ACOT11: variants seen among roughly 807,000 people sequenced by gnomAD.
ACOT11 encodes the protein acyl-coenzyme A thioesterase 11.
In ACOT11, 69 loss-of-function variants were observed where a neutral mutation model predicts 77.5. The observed-to-expected ratio is 0.89, with a 90% CI of 0.73 to 1.09. The LOEUF (loss-of-function observed/expected upper bound fraction) is 1.09. Among genes scored for constraint, ACOT11 ranks in the 50% least tolerant of loss-of-function variants. The pLI is 0.00. For missense variants in ACOT11, 766 were observed against 813.7 expected, an observed-to-expected ratio of 0.94 and a Z score of 0.71; for synonymous variants, 279 against 313.0, an observed-to-expected ratio of 0.89 and a Z score of 1.15.
chr1:54,581,537 G>A (rs529463907), intron 1 of ACOT11, among the ~76,000 whole-genome samples: 1 of 152,326 alleles, frequency 6.6e-6, no homozygotes, highest in South Asian at 2.1e-4. Flanking sequence ...GGCTCAGGAG[G>A]AGGGACACAG....
At chr1:54,624,685 G>C (rs539815967) in intron 15 of ACOT11, among the ~76,000 whole-genome samples, 1 of 152,132 alleles carries the variant, frequency 6.6e-6, no homozygotes, top group African/African-American at 2.4e-5. Context: ...GGTCAGCCAG[G>C]CTGGGAGATG....
chr1:54,616,237 T>C (rs1403237468), intron 15 of ACOT11: 1 of 1,389,334 alleles, frequency 7.2e-7, no homozygotes, highest in Non-Finnish European at 9.9e-7. Flanking sequence ...TTTCTCATCA[T>C]AAAAGCATTA....
intron 15 of ACOT11, among the ~76,000 whole-genome samples, chr1:54,624,092 C>A (rs1644256844): frequency 6.6e-6 from 1 of 152,166 alleles, no homozygotes; most frequent in Non-Finnish European, 1.5e-5. Context: ...GGCTGAGTCA[C>A]CACTTCATGC....
At chr1:54,594,899 T>C (rs192404221) in intron 6 of ACOT11, among the ~76,000 whole-genome samples, 5 of 152,318 alleles carry the variant, frequency 3.3e-5, no homozygotes, top group African/African-American at 1.2e-4. Context: ...CCAGGAACCA[T>C]GAAGCTGCCG....
chr1:54,611,004 A>G (rs911410974), downstream of ACOT11: 7 of 985,466 alleles, frequency 7.1e-6, no homozygotes, highest in Non-Finnish European at 8.4e-6. Context: ...CTATGCACCA[A>G]GGGAAATAAT....
Position 54,601,356 on chromosome 1 carries a change from G to C in ACOT11, c.972G>C (p.Val324=). ...TCAACAGTGCCTTTATGACCTTTGT[G>C]GTCCTGGACGCAGATGACCAGCCCC... ...RHINSAFMTF[V]VLDADDQPQL... The change falls in exon 9 of 16, where the codon GTG becomes GTC. Residue 324 remains valine (V), a synonymous_variant. Transcript: ENST00000343744. 1.2e-6 allele frequency: 2 copies of C among 1,613,718 alleles called. No homozygotes were observed. The highest frequency in any genetic ancestry group is 1.7e-6 in the Non-Finnish European group (2 of 1,180,012).
At position 54,609,426 on chromosome 1, in the gene ACOT11, G is replaced by C. The variant is rs41297135; in HGVS notation, c.*314G>C. ...TTGTGCTCCACTGTGACGGTGGCCC[G>C]GGGGGAGGATGCCAGCAGCCTGCCT... is the stretch of plus-strand genomic sequence containing the variant. On this transcript the variant is annotated 3_prime_UTR_variant, in exon 16 of 16. Transcript: ENST00000343744. 2.5e-3 allele frequency: 4,032 copies of C among 1,613,452 alleles called. 13 individuals are homozygous for C. The highest frequency in any genetic ancestry group is 3.7e-3 in the South Asian group (338 of 91,058).
At chr1:54,580,706 C>T (rs370655947) in intron 1 of ACOT11, among the ~76,000 whole-genome samples, 2 of 152,220 alleles carry the variant, frequency 1.3e-5, no homozygotes, top group Non-Finnish European at 2.9e-5. Flanking sequence ...GTCCCTGTCC[C>T]GTGGAAGCAT....
chr1:54,601,558 G>A, intron 9 of ACOT11, 145 bp downstream of exon 9: 2 of 1,283,806 alleles, frequency 1.6e-6, no homozygotes, highest in Non-Finnish European at 2.1e-6. Flanking sequence ...CCAGCTGAGT[G>A]TCCTGGCTGT....
At chr1:54,603,116 C>T (rs1569757854) in intron 10 of ACOT11, among the ~76,000 whole-genome samples, 1 of 152,342 alleles carries the variant, frequency 6.6e-6, no homozygotes, top group Middle Eastern at 3.4e-3. Flanking sequence ...GCAGGCAGAT[C>T]CCCTGAGTTC....
At chr1:54,596,635 G>A (rs1026587931) in intron 6 of ACOT11, among the ~76,000 whole-genome samples, 46 of 152,272 alleles carry the variant, frequency 3.0e-4, no homozygotes, top group Admixed American at 2.0e-4. Context: ...GTATAGTGGC[G>A]TGATCTCGGC....
downstream of ACOT11, chr1:54,611,139 A>G (rs1644113068): frequency 1.6e-6 from 1 of 640,704 alleles, no homozygotes; most frequent in Admixed American, 6.3e-5. Context: ...GTTTCTCTAT[A>G]AAATGAATGT....
chr1:54,622,759 G>T (rs145059641), intron 15 of ACOT11, among the ~76,000 whole-genome samples: 1 of 147,808 alleles, frequency 6.8e-6, no homozygotes, highest in Non-Finnish European at 1.5e-5. Flanking sequence ...TAGTTAACGG[G>T]ACTTTCTGCT....
intron 15 of ACOT11, among the ~76,000 whole-genome samples, chr1:54,624,065 C>T (rs768302201): frequency 7.9e-5 from 12 of 152,136 alleles, no homozygotes; most frequent in Admixed American, 2.0e-4. Flanking sequence ...TCTGGGGCAG[C>T]GAGTCCATGG....
At chr1:54,577,630 T>C (rs1425458877) in intron 1 of ACOT11, among the ~76,000 whole-genome samples, 1 of 152,020 alleles carries the variant, frequency 6.6e-6, no homozygotes, top group East Asian at 1.9e-4. Flanking sequence ...TATGAACGTG[T>C]ATGTGCATGT....
intron 1 of ACOT11, among the ~76,000 whole-genome samples, chr1:54,562,308 GT>G (rs1309107852): frequency 1.8e-5 from 2 of 108,548 alleles, no homozygotes; most frequent in African/African-American, 4.1e-5. Flanking sequence ...GGCTGGCCGG[GT>G]GGGGGGGCTG....
At chr1:54,619,817 C>G (rs746571417) in intron 15 of ACOT11, 2 of 1,599,360 alleles carry the variant, frequency 1.3e-6, no homozygotes, top group African/African-American at 2.7e-5. Context: ...CCTCTGTCTT[C>G]TCTATCCCTT....
chr1:54,589,858 G>A (rs902096150), intron 3 of ACOT11, among the ~76,000 whole-genome samples: 1 of 152,118 alleles, frequency 6.6e-6, no homozygotes, highest in Non-Finnish European at 1.5e-5. Flanking sequence ...GGAGGCCGAG[G>A]TGGACAGATC....
At chr1:54,567,766 T>G (rs1653786233) in intron 1 of ACOT11, among the ~76,000 whole-genome samples, 1 of 152,084 alleles carries the variant, frequency 6.6e-6, no homozygotes, top group South Asian at 2.1e-4. Context: ...GACCTGTTGC[T>G]TCTACCTCCC....
Sources: allele counts gnomAD v4.1 joint callset (sites outside exome capture counted in the v4.1 genomes callset), GRCh38; gene constraint gnomAD v4.1.1; transcripts MANE v1.5; gene names NCBI Gene and HGNC (gene_info 2026-07-23, HGNC 2026-07-21).